RUNX2: variants seen among roughly 807,000 people sequenced by gnomAD.
RUNX2 encodes RUNX family transcription factor 2, also known as runt-related transcription factor 2.
Under a neutral mutation model 51.7 loss-of-function variants are expected in RUNX2, and 10 were observed. That is an observed-to-expected ratio of 0.19 (90% CI 0.12 to 0.33). The LOEUF (loss-of-function observed/expected upper bound fraction) is 0.33. Ranked by LOEUF, RUNX2 falls within the 10% of genes least tolerant of loss-of-function variation. The probability of loss-of-function intolerance (pLI) is 1.00; values close to 1 mark genes in which losing one functional copy is unlikely to be tolerated. For missense variants in RUNX2, 562 were observed against 691.3 expected (o/e 0.81, Z 2.10); for synonymous variants, 276 against 273.6 (o/e 1.01, Z -0.09).
chr6:45,493,508 G>C (rs529363829), intron 6 of RUNX2, among the ~76,000 whole-genome samples: 9 of 149,172 alleles, frequency 6.0e-5, no homozygotes, highest in African/African-American at 1.8e-4. Flanking sequence ...ATGGGAGAGT[G>C]GGGGGGCGGT....
intron 3 of RUNX2, among the ~76,000 whole-genome samples, chr6:45,429,777 T>C (rs1270958457): frequency 6.6e-6 from 1 of 152,180 alleles, no homozygotes; most frequent in Non-Finnish European, 1.5e-5. Flanking sequence ...GGGCTCTTTA[T>C]GGAGCTCTTT....
chr6:45,410,623 G>A (rs73737407), intron 2 of RUNX2, among the ~76,000 whole-genome samples: 2,166 of 152,240 alleles, frequency 0.014, 59 homozygotes, highest in African/African-American at 0.049. Context: ...GGTAGGGATG[G>A]TGTTTCCAGA....
At position 45,523,930 on chromosome 6, in the gene RUNX2, C is replaced by CA. The variant is rs200342782; in HGVS notation, c.1021+11532dup. Among the ~76,000 whole-genome samples, 442 of 144,398 alleles carry CA rather than the reference C, an allele frequency of 3.1e-3. 3 individuals are homozygous for CA. Among genetic ancestry groups the CA allele is most frequent in the African/African-American group, 0.011 (412 of 39,056 alleles). 94.7% of individuals were successfully genotyped at this position (144,398 alleles called of 152,430 possible). On this transcript the variant is annotated intron_variant, in intron 7 of 8. Coordinates refer to ENST00000647337, the MANE Select transcript of RUNX2 (RefSeq NM_001024630.4). ...CTAGCAACAGAGCGAGACTGCATCT[C>CA]AAAAAAAAACCAAAAACGAAAACAA...
At chr6:45,406,467 T>C (rs1475030234) in intron 2 of RUNX2, among the ~76,000 whole-genome samples, 1 of 152,198 alleles carries the variant, frequency 6.6e-6, no homozygotes, top group Non-Finnish European at 1.5e-5. Flanking sequence ...CAGGCTGGGG[T>C]GCAATGGTAC....
chr6:45,415,390 C>T (rs978876623), intron 2 of RUNX2, among the ~76,000 whole-genome samples: 17 of 152,188 alleles, frequency 1.1e-4, no homozygotes, highest in Admixed American at 1.0e-3. Context: ...CCAGACCCTG[C>T]ACAGCCTTGG....
Position 45,346,567 on chromosome 6 carries a change from C to CTTTTTT in RUNX2, c.58+17793_58+17798dup, listed in dbSNP as rs71745024. 2.1e-4 allele frequency among the ~76,000 whole-genome samples: 30 copies of CTTTTTT among 140,444 alleles called. 1 individual carries two copies. The highest frequency in any genetic ancestry group is 4.6e-4 in the South Asian group (2 of 4,380). 92.1% of individuals were successfully genotyped at this position (140,444 alleles called of 152,430 possible). A position where few individuals can be genotyped will look rare whatever the true frequency, so the allele number is the denominator to read the frequency against. ...TATAATAGGAATTCAATAAACATTT[C>CTTTTTT]TTTTTTTTTTTTTTTCTTGAGATAG... On this transcript the variant is annotated intron_variant, in intron 2 of 8. Transcript: ENST00000647337.
At chr6:45,466,129 C>A (rs1799623735) in intron 5 of RUNX2, among the ~76,000 whole-genome samples, 1 of 151,850 alleles carries the variant, frequency 6.6e-6, no homozygotes, top group Non-Finnish European at 1.5e-5. Flanking sequence ...ACCTGGCCAA[C>A]ATGGTGAAAT....
intron 5 of RUNX2, among the ~76,000 whole-genome samples, chr6:45,449,241 T>C (rs934702597): frequency 1.3e-5 from 2 of 152,210 alleles, no homozygotes; most frequent in East Asian, 1.9e-4. Flanking sequence ...GAAATAGACA[T>C]GAAGGCAACT....
chr6:45,479,220 T>C (rs948004947), intron 5 of RUNX2, among the ~76,000 whole-genome samples: 2 of 152,220 alleles, frequency 1.3e-5, no homozygotes, highest in African/African-American at 4.8e-5. Flanking sequence ...TAAATGATAA[T>C]ATTCTTTCAG....
intron 5 of RUNX2, among the ~76,000 whole-genome samples, chr6:45,451,155 C>G (rs988181548): frequency 2.0e-5 from 3 of 152,016 alleles, no homozygotes; most frequent in Admixed American, 6.5e-5. Flanking sequence ...ACCACAAGAC[C>G]CAAATTGGTA....
chr6:45,423,695 G>A (rs1798301837), intron 3 of RUNX2, among the ~76,000 whole-genome samples: 1 of 151,868 alleles, frequency 6.6e-6, no homozygotes, highest in Non-Finnish European at 1.5e-5. Context: ...AGGAGGGGGT[G>A]TCAGGGCGGG....
chr6:45,471,579 G>A (rs1582146492), intron 5 of RUNX2, among the ~76,000 whole-genome samples: 7 of 151,542 alleles, frequency 4.6e-5, no homozygotes, highest in Admixed American at 1.3e-4. Context: ...CCAGCAGCTG[G>A]GACTACAGGC....
intron 2 of RUNX2, among the ~76,000 whole-genome samples, chr6:45,364,792 T>C (rs1794852842): frequency 1.3e-5 from 2 of 152,206 alleles, no homozygotes; most frequent in African/African-American, 2.4e-5. Flanking sequence ...CTTACTGAAT[T>C]ATTACAAGAG....
In RUNX2 at chr6:45,513,928, G is replaced by A. The variant is rs186250957; in HGVS notation, c.1021+1521G>A. Among the ~76,000 whole-genome samples, 156 of 152,334 alleles carry A rather than the reference G, an allele frequency of 1.0e-3. 1 individual carries two copies. Among genetic ancestry groups the A allele is most frequent in the Non-Finnish European group, 1.1e-3 (74 of 68,022 alleles). ...GGATTAAAAGCATAATGTTGATGGTGTTGAGTTAGTTCTGGTTATTCCTTC... is the reference window on the plus strand; with the variant it reads ...GGATTAAAAGCATAATGTTGATGGTATTGAGTTAGTTCTGGTTATTCCTTC... On this transcript the variant is annotated intron_variant, in intron 7 of 8. Coordinates refer to ENST00000647337, the MANE Select transcript of RUNX2 (RefSeq NM_001024630.4).
chr6:45,538,423 T>C (rs1018925511), intron 7 of RUNX2, among the ~76,000 whole-genome samples: 2 of 151,868 alleles, frequency 1.3e-5, no homozygotes, highest in Admixed American at 1.3e-4. Context: ...ATTATGCCAC[T>C]CCAGGCAGAT....
chr6:45,399,078 A>C (rs1797641865), intron 2 of RUNX2, among the ~76,000 whole-genome samples: 1 of 152,052 alleles, frequency 6.6e-6, no homozygotes, highest in Non-Finnish European at 1.5e-5. Flanking sequence ...AGTTGCTGGG[A>C]CTCAATTAGA....
At chr6:45,339,540 T>C (rs532106029) in intron 2 of RUNX2, among the ~76,000 whole-genome samples, 1 of 152,254 alleles carries the variant, frequency 6.6e-6, no homozygotes, top group Admixed American at 6.5e-5. Flanking sequence ...AGTCAATGGT[T>C]ATGTGTTTAA....
chr6:45,401,795 C>CTCTCT (rs1193193867), intron 2 of RUNX2, among the ~76,000 whole-genome samples: 1 of 152,238 alleles, frequency 6.6e-6, no homozygotes, highest in Non-Finnish European at 1.5e-5. Context: ...TTCCAATGGC[C>CTCTCT]TCTCTTCTCC....
intron 6 of RUNX2, among the ~76,000 whole-genome samples, chr6:45,493,632 A>G (rs1800552452): frequency 1.3e-5 from 2 of 151,938 alleles, no homozygotes; most frequent in African/African-American, 4.8e-5. Flanking sequence ...ATCCATACTT[A>G]TACCCCCTAA....
Sources: allele counts gnomAD v4.1 joint callset (sites outside exome capture counted in the v4.1 genomes callset), GRCh38; gene constraint gnomAD v4.1.1; transcripts MANE v1.5; gene names NCBI Gene and HGNC (gene_info 2026-07-23, HGNC 2026-07-21).